PPP6R3: variants seen among roughly 807,000 people sequenced by gnomAD.
PPP6R3 encodes the protein serine/threonine-protein phosphatase 6 regulatory subunit 3.
In PPP6R3, 38 loss-of-function variants were observed where a neutral mutation model predicts 110.7. The ratio of observed to expected loss-of-function variants is 0.34; its 90% CI spans 0.26 to 0.45. The LOEUF (loss-of-function observed/expected upper bound fraction) is 0.45, where lower values mean the gene tolerates loss of function less well. Ranked by LOEUF, PPP6R3 falls within the 20% of genes least tolerant of loss-of-function variation. PPP6R3 has a pLI of 1.00. For missense variants in PPP6R3, 870 were observed against 1,062.4 expected, an observed-to-expected ratio of 0.82 and a Z score of 2.52; for synonymous variants, 369 against 373.5, an observed-to-expected ratio of 0.99 and a Z score of 0.14.
At chr11:68,603,833 G>GT (rs1937671342) in intron 22 of PPP6R3, among the ~76,000 whole-genome samples, 1 of 152,128 alleles carries the variant, frequency 6.6e-6, no homozygotes, top group Non-Finnish European at 1.5e-5. Flanking sequence ...AGGTCGACTG[G>GT]TTTTACAAAA....
intron 2 of PPP6R3, among the ~76,000 whole-genome samples, chr11:68,529,457 T>TCCAC (rs1393798746): frequency 6.6e-6 from 1 of 152,186 alleles, no homozygotes; most frequent in African/African-American, 2.4e-5. Flanking sequence ...GACCTCATGA[T>TCCAC]CCACCCACCT....
Position 68,613,979 on chromosome 11 carries a change from A to G in PPP6R3, c.*862A>G. ...AGTTCATCTGCCTTTTAACCCATTC[A>G]CCAAAATTTACCTTGTTAACAAGCA... On this transcript the variant is annotated 3_prime_UTR_variant, in exon 24 of 24. Transcript: ENST00000393800. The G allele has an allele frequency of 1.0e-6, 1 of 980,728 alleles. No individual in the cohort carries two copies. Among genetic ancestry groups the G allele is most frequent in the Non-Finnish European group, 1.2e-6 (1 of 829,130 alleles). The allele number at this position is 980,728 out of a possible 1,614,324, so 60.8% of individuals were successfully genotyped here. A position where few individuals can be genotyped will look rare whatever the true frequency, so the allele number is the denominator to read the frequency against.
chr11:68,588,946 C>G (rs1482881283), intron 16 of PPP6R3, among the ~76,000 whole-genome samples: 2 of 151,960 alleles, frequency 1.3e-5, no homozygotes, highest in Non-Finnish European at 2.9e-5. Context: ...GTGGCTCACA[C>G]CTATAATCCC....
At chr11:68,594,492 A>C (rs1328063138) in intron 18 of PPP6R3, among the ~76,000 whole-genome samples, 1 of 152,116 alleles carries the variant, frequency 6.6e-6, no homozygotes, top group Admixed American at 6.5e-5. Context: ...CCCCATCTCT[A>C]TTTTTTTAAA....
chr11:68,542,398 T>TTGTTTTTG lies in PPP6R3; in HGVS notation c.228-2439_228-2438insGTTTTTGT, dbSNP rs1346036684. On this transcript the variant is annotated intron_variant, in intron 3 of 23. Transcript: ENST00000393800. The stretch of plus-strand genomic sequence containing the variant: ...TGCTTGAGAAGCTGCTGTTTTTTTT[T>TTGTTTTTG]TTTTTTTTTTTTTAAGACAGAGTCT... Among the ~76,000 whole-genome samples, 469 of 111,780 alleles carry TTGTTTTTG rather than the reference T, an allele frequency of 4.2e-3. 25 individuals are homozygous for TTGTTTTTG. Among genetic ancestry groups the TTGTTTTTG allele is most frequent in the African/African-American group, 0.016 (453 of 28,680 alleles). The allele number at this position is 111,780 out of a possible 152,430, so 73.3% of individuals were successfully genotyped here. A position where few individuals can be genotyped will look rare whatever the true frequency, so the allele number is the denominator to read the frequency against.
chr11:68,544,087 G>A (rs1592858339), intron 3 of PPP6R3, among the ~76,000 whole-genome samples: 1 of 152,160 alleles, frequency 6.6e-6, no homozygotes, highest in African/African-American at 2.4e-5. Context: ...CTGATGTGGA[G>A]AGCACTAGTT....
At chr11:68,494,500 A>G (rs2099004622) in intron 1 of PPP6R3, among the ~76,000 whole-genome samples, 1 of 149,844 alleles carries the variant, frequency 6.7e-6, no homozygotes, top group Non-Finnish European at 1.5e-5. Flanking sequence ...TTCCCCTTCT[A>G]GTGTTAGTTT....
intron 1 of PPP6R3, among the ~76,000 whole-genome samples, chr11:68,463,041 A>C (rs1449948080): frequency 1.3e-5 from 2 of 152,224 alleles, no homozygotes; most frequent in Non-Finnish European, 2.9e-5. Flanking sequence ...GAAAATGAAT[A>C]GAAGTAACAT....
intron 1 of PPP6R3, among the ~76,000 whole-genome samples, chr11:68,513,230 C>T (rs543892316): frequency 3.9e-5 from 6 of 152,176 alleles, no homozygotes; most frequent in East Asian, 1.9e-4. Flanking sequence ...GCTCATTCCC[C>T]GCATAAATCC....
intron 1 of PPP6R3, among the ~76,000 whole-genome samples, chr11:68,504,388 C>T (rs1195830402): frequency 6.6e-6 from 1 of 150,818 alleles, no homozygotes; most frequent in African/African-American, 2.4e-5. Context: ...TGCCCTGACC[C>T]TCTACTTTTT....
intron 10 of PPP6R3, among the ~76,000 whole-genome samples, chr11:68,568,079 T>A (rs1218291085): frequency 6.6e-6 from 1 of 152,044 alleles, no homozygotes; most frequent in Non-Finnish European, 1.5e-5. Flanking sequence ...ATCATTGTGC[T>A]TCCTAGCGTC....
At chr11:68,594,547 G>A (rs1437208413) in intron 18 of PPP6R3, among the ~76,000 whole-genome samples, 2 of 152,158 alleles carry the variant, frequency 1.3e-5, no homozygotes, top group Non-Finnish European at 2.9e-5. Context: ...CACAAAACAT[G>A]TCCAAGACCT....
At chr11:68,510,881 T>C (rs1442478007) in intron 1 of PPP6R3, among the ~76,000 whole-genome samples, 1 of 152,220 alleles carries the variant, frequency 6.6e-6, no homozygotes, top group African/African-American at 2.4e-5. Flanking sequence ...ATTTTTTTAG[T>C]TCTAACCAGT....
At chr11:68,612,534 T>TAACA (rs534122135) in intron 23 of PPP6R3, among the ~76,000 whole-genome samples, 16 of 152,130 alleles carry the variant, frequency 1.1e-4, no homozygotes, top group Non-Finnish European at 1.3e-4. Context: ...GTTTTGAGCC[T>TAACA]AACATTTGCT....
chr11:68,601,780 A>T, intron 20 of PPP6R3, 83 bp from the exon 21 acceptor site: 2 of 1,140,654 alleles, frequency 1.8e-6, no homozygotes, highest in Non-Finnish European at 2.5e-6. Flanking sequence ...ACAAAAACTT[A>T]CTTGTAAAGG....
intron 1 of PPP6R3, among the ~76,000 whole-genome samples, chr11:68,479,134 C>T (rs967597768): frequency 1.3e-5 from 2 of 152,070 alleles, no homozygotes; most frequent in African/African-American, 4.8e-5. Context: ...CATATTCTTA[C>T]GATTATTCAC....
intron 2 of PPP6R3, among the ~76,000 whole-genome samples, chr11:68,535,852 C>T (rs1400196253): frequency 2.0e-5 from 3 of 150,408 alleles, no homozygotes; most frequent in South Asian, 2.1e-4. Context: ...TGGTGTAATC[C>T]TAGCTACTTG....
Position 68,615,302 on chromosome 11 carries a change from CAAAAAT to C in PPP6R3, c.*2189_*2194del, listed in dbSNP as rs777927518. 3 of 352,832 alleles carry C rather than the reference CAAAAAT, an allele frequency of 8.5e-6. No individual in the cohort carries two copies. The highest frequency in any genetic ancestry group is 6.4e-5 in the African/African-American group (3 of 46,636). The allele number at this position is 352,832 out of a possible 1,614,324, so 21.9% of individuals were successfully genotyped here. On this transcript the variant is annotated 3_prime_UTR_variant, in exon 24 of 24. Coordinates refer to ENST00000393800, the MANE Select transcript of PPP6R3 (RefSeq NM_001164161.2). ...AATACAATACCTGTATTCAAAATAA[CAAAAAT>C]AAAGCCTGATTCTTTGTTTCTAGAA...
intron 22 of PPP6R3, 170 bp from the exon 23 acceptor site, chr11:68,609,734 A>G: frequency 2.6e-6 from 4 of 1,557,144 alleles, no homozygotes; most frequent in Non-Finnish European, 3.5e-6. Flanking sequence ...GTGATTCCCC[A>G]GTCACTGTCT....
Sources: allele counts gnomAD v4.1 joint callset (sites outside exome capture counted in the v4.1 genomes callset), GRCh38; gene constraint gnomAD v4.1.1; transcripts MANE v1.5; gene names NCBI Gene and HGNC (gene_info 2026-07-23, HGNC 2026-07-21).